Variants in SLC9A9 observed in about 807,000 individuals in gnomAD.
SLC9A9 encodes the protein sodium/hydrogen exchanger 9.
In SLC9A9, 62 loss-of-function variants were observed where a neutral mutation model predicts 77.8. The observed-to-expected ratio is 0.80, with a 90% CI of 0.65 to 0.98. The LOEUF (loss-of-function observed/expected upper bound fraction) is 0.98, where lower values mean the gene tolerates loss of function less well. Among genes scored for constraint, SLC9A9 ranks in the 50% least tolerant of loss-of-function variants. The pLI, the probability that SLC9A9 is intolerant of heterozygous loss-of-function variation, is 0.00. For missense variants in SLC9A9, 775 were observed against 774.9 expected, an observed-to-expected ratio of 1.00 and a Z score of 0.00; for synonymous variants, 320 against 283.5, an observed-to-expected ratio of 1.13 and a Z score of -1.29.
At chr3:143,499,397 T>A (rs1378653377) in intron 9 of SLC9A9, among the ~76,000 whole-genome samples, 2 of 152,160 alleles carry the variant, frequency 1.3e-5, no homozygotes, top group African/African-American at 4.8e-5. Context: ...TTTCTTGTTA[T>A]TATTGTAAAT....
chr3:143,288,452 G>C (rs1370022467), intron 14 of SLC9A9, among the ~76,000 whole-genome samples: 1 of 152,120 alleles, frequency 6.6e-6, no homozygotes, highest in Non-Finnish European at 1.5e-5. Context: ...AACTTAGAAA[G>C]GAAACCTGAA....
intron 2 of SLC9A9, chr3:143,811,612 G>A (rs543289949): frequency 1.6e-5 from 7 of 449,792 alleles, no homozygotes; most frequent in Admixed American, 7.2e-5. Flanking sequence ...TTGGGAGGCC[G>A]ACGTGGGTGG....
chr3:143,319,929 C>G (rs16853413), intron 14 of SLC9A9, among the ~76,000 whole-genome samples: 4 of 152,198 alleles, frequency 2.6e-5, no homozygotes, highest in African/African-American at 7.2e-5. Flanking sequence ...CAGTCTTCAG[C>G]GTTTTGTTCC....
intron 14 of SLC9A9, among the ~76,000 whole-genome samples, chr3:143,349,500 A>G (rs1161583554): frequency 6.6e-6 from 1 of 152,200 alleles, no homozygotes; most frequent in African/African-American, 2.4e-5. Context: ...GCCCTATGCT[A>G]TGTATGGTAA....
At chr3:143,792,594 C>A (rs1189813939) in intron 4 of SLC9A9, among the ~76,000 whole-genome samples, 1 of 152,088 alleles carries the variant, frequency 6.6e-6, no homozygotes, top group Admixed American at 6.6e-5. Flanking sequence ...AGAACACATG[C>A]CCTGTTGGTT....
At chr3:143,378,544 A>G (rs2033233378) in intron 13 of SLC9A9, among the ~76,000 whole-genome samples, 2 of 152,200 alleles carry the variant, frequency 1.3e-5, no homozygotes, top group Non-Finnish European at 2.9e-5. Flanking sequence ...ATCAAATGGC[A>G]AAAGGGAAAA....
chr3:143,611,553 A>G (rs2108699441), intron 6 of SLC9A9, among the ~76,000 whole-genome samples: 1 of 152,372 alleles, frequency 6.6e-6, no homozygotes, highest in East Asian at 1.9e-4. Flanking sequence ...ATGCAGTGAT[A>G]AAAATCATAC....
intron 6 of SLC9A9, among the ~76,000 whole-genome samples, chr3:143,649,786 T>A (rs10513214): frequency 0.11 from 16,537 of 152,204 alleles, 1,090 homozygotes; most frequent in African/African-American, 0.17. Context: ...CATTAATAAT[T>A]GGGTTGCACA....
chr3:143,366,252 C>A (rs2032898579), intron 13 of SLC9A9, among the ~76,000 whole-genome samples: 1 of 152,160 alleles, frequency 6.6e-6, no homozygotes, highest in Non-Finnish European at 1.5e-5. Flanking sequence ...TCACATTATC[C>A]AGCCATTAAT....
rs527368905 is a variant in SLC9A9, at chr3:143,507,628, T to A, written c.1090-12180A>T. Among the ~76,000 whole-genome samples the A allele has an allele frequency of 2.6e-5, 4 of 152,370 alleles. No homozygotes were observed. In the East Asian group the frequency reaches 7.7e-4, roughly 29 times the overall value. ...TTTACATAAATGTTCACTCTAGGTG[T>A]TAAACATTACTTGTGTATCTTTTTG... On this transcript the variant is annotated intron_variant, in intron 9 of 15. Transcript: ENST00000316549.
chr3:143,430,782 G>A (rs771427669), intron 12 of SLC9A9, among the ~76,000 whole-genome samples: 2 of 152,210 alleles, frequency 1.3e-5, no homozygotes. Flanking sequence ...GCATGGTCAC[G>A]TGACCCAGTT....
chr3:143,633,206 C>T (rs2038456562), intron 6 of SLC9A9, among the ~76,000 whole-genome samples: 1 of 152,150 alleles, frequency 6.6e-6, no homozygotes, highest in Non-Finnish European at 1.5e-5. Context: ...CTTACAACAT[C>T]TATCAGGTGA....
At chr3:143,530,954 G>A (rs1016433855) in intron 9 of SLC9A9, among the ~76,000 whole-genome samples, 4 of 151,716 alleles carry the variant, frequency 2.6e-5, no homozygotes, top group Non-Finnish European at 5.9e-5. Context: ...CTTGAACTGC[G>A]AGATATAATT....
chr3:143,713,033 A>G (rs1320045257), intron 4 of SLC9A9, among the ~76,000 whole-genome samples: 1 of 152,166 alleles, frequency 6.6e-6, no homozygotes, highest in African/African-American at 2.4e-5. Flanking sequence ...ACCCAAACAG[A>G]AGATGGTAAA....
At chr3:143,759,766 C>A (rs2007053257) in intron 4 of SLC9A9, among the ~76,000 whole-genome samples, 1 of 151,980 alleles carries the variant, frequency 6.6e-6, no homozygotes, top group Non-Finnish European at 1.5e-5. Context: ...ATTTTACTAT[C>A]CTAAGCACTT....
chr3:143,360,565 C>T (rs79002997), intron 14 of SLC9A9, among the ~76,000 whole-genome samples: 5,815 of 152,240 alleles, frequency 0.038, 185 homozygotes, highest in East Asian at 0.18. Flanking sequence ...GCACTGAACA[C>T]AGTGCTTGGC....
chr3:143,650,977 G>A (rs2038786306), intron 6 of SLC9A9, among the ~76,000 whole-genome samples: 2 of 152,176 alleles, frequency 1.3e-5, no homozygotes, highest in Admixed American at 6.5e-5. Context: ...TGGTTGTGTC[G>A]GCATGATTCT....
intron 9 of SLC9A9, among the ~76,000 whole-genome samples, chr3:143,543,948 A>C (rs1316693148): frequency 6.6e-6 from 1 of 152,210 alleles, no homozygotes; most frequent in African/African-American, 2.4e-5. Context: ...GTTCTTTGAA[A>C]AATCTCTAAA....
intron 6 of SLC9A9, among the ~76,000 whole-genome samples, chr3:143,605,133 A>C (rs115317099): frequency 2.7e-3 from 418 of 152,222 alleles, no homozygotes; most frequent in African/African-American, 9.5e-3. Flanking sequence ...TGTTGCCCCA[A>C]ATAACAAATA....
Sources: allele counts gnomAD v4.1 joint callset (sites outside exome capture counted in the v4.1 genomes callset), GRCh38; gene constraint gnomAD v4.1.1; transcripts MANE v1.5; gene names NCBI Gene and HGNC (gene_info 2026-07-23, HGNC 2026-07-21).